Variants in ARFGAP1 observed in about 807,000 individuals in gnomAD.
ARFGAP1 encodes ADP-ribosylation factor GTPase-activating protein 1.
ARFGAP1 carries 26 observed loss-of-function variants against 54.0 expected under a neutral mutation model. The observed-to-expected ratio is 0.48, with a 90% CI of 0.35 to 0.67. ARFGAP1 has a LOEUF of 0.67. Among genes scored for constraint, ARFGAP1 ranks in the 30% least tolerant of loss-of-function variants. ARFGAP1 has a pLI of 0.00. For synonymous variants in ARFGAP1, 248 were observed against 211.9 expected, an observed-to-expected ratio of 1.17 and a Z score of -1.48; for missense variants, 525 against 535.8, an observed-to-expected ratio of 0.98 and a Z score of 0.20.
chr20:63,279,599 C>T (rs2067325186), intron 7 of ARFGAP1, among the ~76,000 whole-genome samples: 2 of 152,156 alleles, frequency 1.3e-5, no homozygotes, highest in Admixed American at 6.5e-5. Flanking sequence ...GCCACTTGGC[C>T]AGGTTCTCTG....
At chr20:63,285,841 G>A in intron 11 of ARFGAP1, 128 bp downstream of exon 11, 1 of 1,467,050 alleles carries the variant, frequency 6.8e-7, no homozygotes, top group Non-Finnish European at 9.4e-7. Flanking sequence ...TGTCCTCTGA[G>A]ACGGGAGGAG....
At chr20:63,278,282 T>C in intron 6 of ARFGAP1, 79 bp downstream of exon 6, 1 of 1,466,692 alleles carries the variant, frequency 6.8e-7, no homozygotes, top group Non-Finnish European at 9.4e-7. Flanking sequence ...CTGCTTCCCT[T>C]GGGGCCTCCC....
At chr20:63,286,111 C>A (rs777424534) in intron 11 of ARFGAP1, 86 of 1,550,146 alleles carry the variant, frequency 5.5e-5, no homozygotes, top group Non-Finnish European at 7.1e-5. Flanking sequence ...CGCTCCTCCC[C>A]CCCAAGCATG....
chr20:63,286,442 G>A lies in ARFGAP1; in HGVS notation c.911G>A (p.Ser304Asn), dbSNP rs751451578. ...FSGKAEGPLD[S>N]PSEGHSYQNS... Reference sequence around the variant, plus strand: ...GGGAAAGCAGAGGGCCCCTTGGACAGGTATGCTGTGTCCCCTCCTGGGCCT... The same window carrying A: ...GGGAAAGCAGAGGGCCCCTTGGACAAGTATGCTGTGTCCCCTCCTGGGCCT... The change falls in exon 12 of 13, where the codon AGC becomes AAC. Residue 304 changes from serine (S) to asparagine (N), a missense_variant and splice_region_variant. Transcript: ENST00000370283. 4.3e-6 allele frequency: 7 copies of A among 1,613,016 alleles called. No individual in the cohort carries two copies. Among genetic ancestry groups the A allele is most frequent in the South Asian group, 1.1e-5 (1 of 91,046 alleles).
chr20:63,284,198 C>A (rs6062876), intron 9 of ARFGAP1: 1 of 1,281,378 alleles, frequency 7.8e-7, no homozygotes, highest in Admixed American at 3.8e-5. Context: ...GGCGGGGGCA[C>A]TGGGCGCAGA....
intron 9 of ARFGAP1, 57 bp from the exon 10 acceptor site, chr20:63,284,809 C>T (rs113430203): frequency 4.6e-5 from 74 of 1,603,732 alleles, no homozygotes; most frequent in African/African-American, 4.5e-4. Context: ...CTGCCACTGC[C>T]GACCCGTGTC....
At position 63,284,937 on chromosome 20, in the gene ARFGAP1, C is replaced by T. The variant is rs753784304; in HGVS notation, c.774+15C>T. ...CGCAGGAGAAGGTAACGGGCAGCTC[C>T]GGGTGGTTGTGCCTGGAGCCCTTCA... On this transcript the variant is annotated intron_variant, in intron 10 of 12. Coordinates refer to ENST00000370283, the MANE Select transcript of ARFGAP1 (RefSeq NM_018209.4). The T allele has an allele frequency of 1.8e-5, 29 of 1,612,846 alleles. No individual in the cohort carries two copies. The highest frequency in any genetic ancestry group is 1.6e-4 in the Middle Eastern group (1 of 6,084).
rs904953303 is a variant in ARFGAP1 at position 63,282,809 on chromosome 20, T to C, written c.685-10T>C. 3.1e-6 allele frequency: 5 copies of C among 1,613,924 alleles called. No individual in the cohort carries two copies. The African/African-American group carries it at 6.7e-5, about 22-fold the overall frequency. ...AGTCTGTCAAGCCTTGTCTTTGTTT[T>C]TCATTTTAGGCTACAAAGTTTGGAT... On this transcript the variant is annotated splice_polypyrimidine_tract_variant and intron_variant, in intron 8 of 12. Coordinates refer to ENST00000370283, the MANE Select transcript of ARFGAP1 (RefSeq NM_018209.4).
chr20:63,273,439 T>C (rs1270360997), intron 1 of ARFGAP1: 1 of 152,240 alleles, frequency 6.6e-6, no homozygotes, highest in Non-Finnish European at 1.5e-5. Context: ...AGATATATTT[T>C]TACATCTTGG....
chr20:63,285,229 G>A (rs957120096), intron 10 of ARFGAP1, among the ~76,000 whole-genome samples: 1 of 151,644 alleles, frequency 6.6e-6, no homozygotes, highest in Non-Finnish European at 1.5e-5. Flanking sequence ...GCCCACCTCC[G>A]TTCCTCTGCC....
rs1260205727 is a variant in ARFGAP1 at position 63,288,346 on chromosome 20, G to A, written c.*473G>A. The A allele has an allele frequency of 4.4e-6, 2 of 458,302 alleles. No homozygotes were observed. Among genetic ancestry groups the A allele is most frequent in the Non-Finnish European group, 8.8e-6 (2 of 228,500 alleles). 28.4% of individuals were successfully genotyped at this position (458,302 alleles called of 1,614,324 possible). A position where few individuals can be genotyped will look rare whatever the true frequency, so the allele number is the denominator to read the frequency against. ...TGAAGAGAGTGACTGGAGTGGTAAA[G>A]ATGGAAATGCTGGAAATGATACTGG... On this transcript the variant is annotated 3_prime_UTR_variant, in exon 13 of 13. Transcript: ENST00000370283.
chr20:63,281,677 A>C (rs1417156515), intron 8 of ARFGAP1, among the ~76,000 whole-genome samples: 1 of 152,126 alleles, frequency 6.6e-6, no homozygotes, highest in Non-Finnish European at 1.5e-5. Context: ...GGTCTCCGGC[A>C]CCCTGTGCCC....
rs953020876 is a variant in ARFGAP1, at chr20:63,288,889, G to T, written c.*1016G>T. 4 of 269,660 alleles carry T rather than the reference G, an allele frequency of 1.5e-5. No individual in the cohort carries two copies. In the Admixed American group the frequency reaches 1.8e-4, roughly 12 times the overall value. 16.7% of individuals were successfully genotyped at this position (269,660 alleles called of 1,614,324 possible). A position where few individuals can be genotyped will look rare whatever the true frequency, so the allele number is the denominator to read the frequency against. On this transcript the variant is annotated 3_prime_UTR_variant, in exon 13 of 13. Coordinates refer to ENST00000370283, the MANE Select transcript of ARFGAP1 (RefSeq NM_018209.4). ...CATGCATGCGCCCGAAGCTCGTGCA[G>T]TTTGTACGTGAGGTGCTCTCCTCCC...
intron 9 of ARFGAP1, chr20:63,283,998 C>A: frequency 6.6e-7 from 1 of 1,520,748 alleles, no homozygotes; most frequent in South Asian, 1.2e-5. Context: ...TGCGCACGCT[C>A]AGACCCTCTC....
intron 10 of ARFGAP1, 95 bp from the exon 11 acceptor site, chr20:63,285,559 T>G (rs1044500341): frequency 2.2e-5 from 30 of 1,336,976 alleles, no homozygotes; most frequent in Non-Finnish European, 3.2e-5. Context: ...CCCCTGATAT[T>G]TCGGATGCCC....
rs2067592069 is a variant in ARFGAP1 at position 63,287,554 on chromosome 20, T to A, written c.912-10T>A. ...AGTCATTTAGAGTCCCCCTTCTGTCTCTTTAAAAGCCCCTCGGAGGGCCAC... is the reference window on the plus strand; with the variant it reads ...AGTCATTTAGAGTCCCCCTTCTGTCACTTTAAAAGCCCCTCGGAGGGCCAC... On this transcript the variant is annotated splice_polypyrimidine_tract_variant and intron_variant, in intron 12 of 12. Coordinates refer to ENST00000370283, the MANE Select transcript of ARFGAP1 (RefSeq NM_018209.4). 6.4e-7 allele frequency: 1 copy of A among 1,569,432 alleles called. No individual in the cohort carries two copies. Among genetic ancestry groups the A allele is most frequent in the Admixed American group, 1.8e-5 (1 of 54,400 alleles).
Position 63,288,482 on chromosome 20 carries a change from C to T in ARFGAP1, c.*609C>T, listed in dbSNP as rs1366785937. The T allele has an allele frequency of 1.5e-5, 7 of 455,888 alleles. No homozygotes were observed. The highest frequency in any genetic ancestry group is 2.3e-5 in the Admixed American group (1 of 42,558). 28.2% of individuals were successfully genotyped at this position (455,888 alleles called of 1,614,324 possible). ...CTCTGTGGCTCCCCTGCATCAGCAC[C>T]GTCCCACCACCAAGTTCACCAGGTT... is the stretch of plus-strand genomic sequence containing the variant. On this transcript the variant is annotated 3_prime_UTR_variant, in exon 13 of 13. Coordinates refer to ENST00000370283, the MANE Select transcript of ARFGAP1 (RefSeq NM_018209.4).
chr20:63,282,715 G>A, intron 8 of ARFGAP1, 104 bp from the exon 9 acceptor site: 1 of 1,208,410 alleles, frequency 8.3e-7, no homozygotes, highest in South Asian at 1.2e-5. Context: ...GCAGCCCGGG[G>A]GCCATTGAGA....
Position 63,276,235 on chromosome 20 carries a change from C to T in ARFGAP1, c.170+35C>T. On this transcript the variant is annotated intron_variant, in intron 3 of 12. Coordinates refer to ENST00000370283, the MANE Select transcript of ARFGAP1 (RefSeq NM_018209.4). The surrounding 1 kb of genome is among the most constrained non-coding windows in gnomAD (Gnocchi z 5.2). ...CTGCCGCTCTGGCTCTGCGGAGAGC[C>T]TGCGGCCACCCCAGCATCTGTTCCT... 6.2e-7 allele frequency: 1 copy of T among 1,605,232 alleles called. No individual in the cohort carries two copies. Among genetic ancestry groups the T allele is most frequent in the Non-Finnish European group, 8.5e-7 (1 of 1,172,832 alleles).
Sources: allele counts gnomAD v4.1 joint callset (sites outside exome capture counted in the v4.1 genomes callset), GRCh38; gene constraint gnomAD v4.1.1; non-coding constraint Gnocchi (gnomAD v3.1); transcripts MANE v1.5; gene names NCBI Gene and HGNC (gene_info 2026-07-23, HGNC 2026-07-21).